The following CBLL1 variants were observed in gnomAD, a reference collection of about 807,000 sequenced individuals.
The protein encoded by CBLL1 is E3 ubiquitin-protein ligase Hakai.
A neutral mutation model predicts 44.9 loss-of-function variants in CBLL1; 4 were observed. The ratio of observed to expected loss-of-function variants is 0.09; its 90% CI spans 0.04 to 0.20. The LOEUF (loss-of-function observed/expected upper bound fraction) is 0.20, where lower values mean the gene tolerates loss of function less well. Among genes scored for constraint, CBLL1 ranks in the 10% least tolerant of loss-of-function variants. The pLI is 1.00. For synonymous variants in CBLL1, 235 were observed against 202.2 expected (o/e 1.16, Z -1.38); for missense variants, 569 against 636.7 (o/e 0.89, Z 1.14).
At position 107,744,325 on chromosome 7, in the gene CBLL1, C is replaced by G. The variant is rs115897298; in HGVS notation, c.13+149C>G. ...AATCTCACAGATGCCTTCCTGTGCC[C>G]GGCAGGGGCCTGCGGTTTCCTGGCC... On this transcript the variant is annotated intron_variant, in intron 1 of 5. Coordinates refer to ENST00000440859, the MANE Select transcript of CBLL1 (RefSeq NM_024814.4). 1.3e-3 allele frequency: 1,268 copies of G among 999,958 alleles called. 10 individuals carry two copies. In the African/African-American group the frequency reaches 0.02, roughly 16 times the overall value. The allele number at this position is 999,958 out of a possible 1,614,324, so 61.9% of individuals were successfully genotyped here. A position where few individuals can be genotyped will look rare whatever the true frequency, so the allele number is the denominator to read the frequency against.
chr7:107,752,295 C>T (rs1793337940), intron 2 of CBLL1, among the ~76,000 whole-genome samples: 2 of 151,868 alleles, frequency 1.3e-5, no homozygotes, highest in African/African-American at 2.4e-5. Context: ...GATATAGGAG[C>T]CTAGGAACAC....
chr7:107,760,434 G>A lies in CBLL1; in HGVS notation c.*1256G>A, dbSNP rs1793720074. The stretch of plus-strand genomic sequence containing the variant: ...GAAGACTACCAGATAATTTTGTATT[G>A]GAGAAGAGGAAATAACAGCTAAATT... On this transcript the variant is annotated 3_prime_UTR_variant, in exon 6 of 6. Transcript: ENST00000440859. 1 of 152,108 alleles carries A rather than the reference G, an allele frequency of 6.6e-6. No homozygotes were observed. Among genetic ancestry groups the A allele is most frequent in the Admixed American group, 6.6e-5 (1 of 15,244 alleles). The allele number at this position is 152,108 out of a possible 1,614,324, so 9.4% of individuals were successfully genotyped here. A position where few individuals can be genotyped will look rare whatever the true frequency, so the allele number is the denominator to read the frequency against.
chr7:107,758,200 T>C lies in CBLL1; in HGVS notation c.498T>C (p.Cys166=). 1 of 1,614,154 alleles carries C rather than the reference T, an allele frequency of 6.2e-7. No individual in the cohort carries two copies. Among genetic ancestry groups the C allele is most frequent in the East Asian group, 2.2e-5 (1 of 44,892 alleles). ...EQCTRGSLFM[C]SIVQGCKRTY... is the part of the protein sequence containing the mutation. The stretch of plus-strand genomic sequence containing the variant: ...GTACACGAGGTTCTCTCTTCATGTG[T>C]AGCATTGTTCAAGGGTGCAAGAGAA... The change falls in exon 6 of 6, where the codon TGT becomes TGC. Residue 166 remains cysteine (C), a synonymous_variant. Coordinates refer to ENST00000440859, the MANE Select transcript of CBLL1 (RefSeq NM_024814.4). The surrounding 1 kb of genome is among the most constrained non-coding windows in gnomAD (Gnocchi z 4.2).
chr7:107,744,201 T>A (rs1584365806), intron 1 of CBLL1, 25 bp downstream of exon 1: 4 of 1,542,690 alleles, frequency 2.6e-6, no homozygotes, highest in Non-Finnish European at 3.5e-6. Context: ...GCAGTGGGGG[T>A]CCCGGTTCCA....
At position 107,744,154 on chromosome 7, in the gene CBLL1, G is replaced by T. The variant is rs1375811132; in HGVS notation, c.-10G>T. 3.2e-5 allele frequency: 49 copies of T among 1,553,634 alleles called. No homozygotes were observed. The highest frequency in any genetic ancestry group is 4.2e-5 in the Non-Finnish European group (48 of 1,148,358). ...GACTTCCGCTCCCACTGTGCTCTGC[G>T]AGCCGAATCATGGATCACACTGGTA... On this transcript the variant is annotated 5_prime_UTR_variant, in exon 1 of 6. Transcript: ENST00000440859.
In CBLL1 at chr7:107,759,272, CTTA is replaced by C. The variant is rs1793669426; in HGVS notation, c.*96_*98del. ...ACTGTTTTGGGAAGGAAGAGTACCT[CTTA>C]TCGAGGTAGTATAAAACACATAGGG... On this transcript the variant is annotated 3_prime_UTR_variant, in exon 6 of 6. Coordinates refer to ENST00000440859, the MANE Select transcript of CBLL1 (RefSeq NM_024814.4). The C allele has an allele frequency of 1.8e-6, 2 of 1,097,546 alleles. No individual in the cohort carries two copies. The highest frequency in any genetic ancestry group is 2.6e-6 in the Non-Finnish European group (2 of 767,384). The allele number at this position is 1,097,546 out of a possible 1,614,324, so 68.0% of individuals were successfully genotyped here. A position where few individuals can be genotyped will look rare whatever the true frequency, so the allele number is the denominator to read the frequency against.
intron 1 of CBLL1, among the ~76,000 whole-genome samples, chr7:107,747,595 GT>G (rs1000642205): frequency 6.6e-6 from 1 of 152,184 alleles, no homozygotes; most frequent in African/African-American, 2.4e-5. Context: ...AGCTGATCAA[GT>G]TGGGTTAACC....
intron 2 of CBLL1, among the ~76,000 whole-genome samples, chr7:107,752,116 A>G (rs1584379399): frequency 6.6e-6 from 1 of 151,026 alleles, no homozygotes; most frequent in Non-Finnish European, 1.5e-5. Flanking sequence ...GGAGAATGGC[A>G]TGAACCTGGG....
rs1446350187 is a variant in CBLL1, at chr7:107,758,510, G to A, written c.808G>A (p.Ala270Thr). 2 of 1,614,056 alleles carry A rather than the reference G, an allele frequency of 1.2e-6. No homozygotes were observed. Among genetic ancestry groups the A allele is most frequent in the Non-Finnish European group, 1.7e-6 (2 of 1,180,022 alleles). The change falls in exon 6 of 6, where the codon GCT (alanine) becomes ACT (threonine). Residue 270 changes from alanine to threonine, a missense_variant. Physicochemically the swap from Ala to Thr is moderately conservative, Grantham distance 58. Around this residue, in one of 5 missense-constraint regions of CBLL1, gnomAD observed 111 missense variants for 113.0 expected, o/e 0.98. Coordinates refer to ENST00000440859, the MANE Select transcript of CBLL1 (RefSeq NM_024814.4). This position sits in a 1 kb window ranked among gnomAD's most constrained non-coding sequence, Gnocchi z 4.2. The part of the protein sequence containing the change: ...IRAPPAELSM[A>T]PPPPRSVSQE... ...TGCTCCTCCAGCAGAATTGTCCATG[G>A]CTCCACCTCCACCTCGATCGGTCAG...
rs931238898 is a variant in CBLL1 at position 107,759,525 on chromosome 7, T to G, written c.*347T>G. 5.5e-6 allele frequency: 1 copy of G among 182,880 alleles called. No homozygotes were observed. The highest frequency in any genetic ancestry group is 2.4e-5 in the African/African-American group (1 of 42,542). 11.3% of individuals were successfully genotyped at this position (182,880 alleles called of 1,614,324 possible). ...TTTGTTAAACCCAACGTTTAGTTTTTCTTGTGATACATTTTGTTAACCTGT... is the reference window on the plus strand; with the variant it reads ...TTTGTTAAACCCAACGTTTAGTTTTGCTTGTGATACATTTTGTTAACCTGT... On this transcript the variant is annotated 3_prime_UTR_variant, in exon 6 of 6. Coordinates refer to ENST00000440859, the MANE Select transcript of CBLL1 (RefSeq NM_024814.4).
intron 1 of CBLL1, chr7:107,744,393 C>T (rs1450785413): frequency 1.9e-5 from 10 of 535,590 alleles, no homozygotes; most frequent in African/African-American, 1.6e-4. Context: ...CCGGCAACAA[C>T]CGCTCCTACT....
intron 4 of CBLL1, among the ~76,000 whole-genome samples, chr7:107,754,459 T>G (rs1213636428): frequency 6.6e-6 from 1 of 152,118 alleles, no homozygotes; most frequent in Non-Finnish European, 1.5e-5. Context: ...AACTGTAATT[T>G]TATAGTAATT....
In CBLL1 at chr7:107,753,483, T is replaced by C; in HGVS notation, c.254T>C (p.Phe85Ser). 6 of 1,587,650 alleles carry C rather than the reference T, an allele frequency of 3.8e-6. No homozygotes were observed. Among genetic ancestry groups the C allele is most frequent in the Non-Finnish European group, 5.1e-6 (6 of 1,169,352 alleles). Residue 85 changes from phenylalanine (F) to serine (S), a missense_variant, in exon 3 of 6, where the codon TTT (phenylalanine) becomes TCT (serine). Phe to Ser is a radical substitution (Grantham distance 155, BLOSUM62 -2). Transcript: ENST00000440859. ...GAGCTGTTTGCAAATCAGCGAAGAT[T>C]TCCTGGACACCTTTTTTGGGACTTT... The part of the protein sequence containing the change: ...GGELFANQRR[F>S]PGHLFWDFQI...
intron 2 of CBLL1, among the ~76,000 whole-genome samples, chr7:107,752,262 G>T (rs1449776849): frequency 6.6e-6 from 1 of 151,604 alleles, no homozygotes; most frequent in Non-Finnish European, 1.5e-5. Flanking sequence ...GATCACACCA[G>T]CTTTTCTAAG....
rs78298628 is a variant in CBLL1, at chr7:107,747,642, C to T, written c.14-1238C>T. 8.3e-3 allele frequency among the ~76,000 whole-genome samples: 1,256 copies of T among 152,228 alleles called. 17 individuals carry two copies. The highest frequency in any genetic ancestry group is 0.028 in the African/African-American group (1,180 of 41,538). ...ATTCTAGCTAACCATGTAATTCCAC[C>T]CCTCTTTGTTTTAGGATTAGCTGTT... On this transcript the variant is annotated intron_variant, in intron 1 of 5. Transcript: ENST00000440859.
At chr7:107,744,252 A>G in intron 1 of CBLL1, 76 bp downstream of exon 1, 30 of 1,460,720 alleles carry the variant, frequency 2.1e-5, no homozygotes, top group Non-Finnish European at 2.7e-5. Context: ...ACAGCAGGCA[A>G]AAGGGATTAT....
intron 2 of CBLL1, chr7:107,752,539 T>G: frequency 7.8e-7 from 1 of 1,288,672 alleles, no homozygotes; most frequent in South Asian, 1.2e-5. Context: ...CTACTCTGTT[T>G]ACCAGTTCTA....
chr7:107,758,932 A>G lies in CBLL1; in HGVS notation c.1230A>G (p.Gln410=). The G allele has an allele frequency of 1.2e-6, 2 of 1,613,182 alleles. 1 individual carries two copies. Among genetic ancestry groups the G allele is most frequent in the South Asian group, 2.2e-5 (2 of 91,004 alleles). The change falls in exon 6 of 6, where the codon CAA becomes CAG. Residue 410 remains glutamine, a synonymous_variant. Transcript: ENST00000440859. The surrounding 1 kb of genome is among the most constrained non-coding windows in gnomAD (Gnocchi z 4.2). ...NHPPPGPPPP[Q]HGGPPVTAPP... ...CTCCTCCAGGACCTCCCCCACCTCA[A>G]CATGGTGGTCCACCTGTAACTGCAC... is the stretch of plus-strand genomic sequence containing the variant.
In CBLL1 at chr7:107,759,160, T is replaced by C. The variant is rs112864427; in HGVS notation, c.1458T>C (p.Tyr486=). ...CACATCATCCAGATCAGACAAGATA[T>C]AGACCGTATTACCAATGATAATAGT... ...PGPHHPDQTR[Y]RPYYQ is the part of the protein sequence containing the mutation. Residue 486 remains tyrosine, a synonymous_variant, in exon 6 of 6, where the codon TAT becomes TAC. Coordinates refer to ENST00000440859, the MANE Select transcript of CBLL1 (RefSeq NM_024814.4). 2.1e-4 allele frequency: 339 copies of C among 1,608,844 alleles called. No homozygotes were observed. The African/African-American group carries it at 2.8e-3, about 13-fold the overall frequency.
Sources: gnomAD v4.1 joint callset for allele counts (sites outside exome capture counted in the v4.1 genomes callset) on GRCh38, gnomAD v4.1.1 for gene constraint, gnomAD v4.1.1 regional missense constraint, Gnocchi (gnomAD v3.1) non-coding constraint, MANE v1.5 for transcripts, NCBI Gene and HGNC (gene_info 2026-07-23, HGNC 2026-07-21) for gene names.